The following ZNF630 variants were observed in gnomAD, a reference collection of about 807,000 sequenced individuals.
The protein encoded by ZNF630 is zinc finger protein 630.
ZNF630 carries 5 observed loss-of-function variants against 7.2 expected under a neutral mutation model. The observed-to-expected ratio is 0.70, with a 90% confidence interval of 0.36 to 1.46. The LOEUF (loss-of-function observed/expected upper bound fraction) is 1.46, where lower values mean the gene tolerates loss of function less well. Among genes scored for constraint, ZNF630 ranks in the 40% most tolerant of loss-of-function variants. ZNF630 has a pLI of 0.03. For synonymous variants in ZNF630, 158 were observed against 162.8 expected (o/e 0.97, Z 0.23); for missense variants, 461 against 477.0 (o/e 0.97, Z 0.31).
chrX:48,060,123 G>A lies in ZNF630; in HGVS notation c.319C>T (p.Pro107Ser). Residue 107 changes from proline (P) to serine (S), a missense_variant, in exon 5 of 5, where the codon CCA (proline) becomes TCA (serine). Pro to Ser is a moderately conservative substitution (Grantham distance 74). Coordinates refer to ENST00000276054, the MANE Select transcript of ZNF630 (RefSeq NM_001282201.2). ...ACAGAGTACAATGAATTATCCTTTG[G>A]GGCTCTTTCTAGTATCTCCCTTTGA... ...LFQREILERA[P>S]KDNSLYSVLK... 8.5e-7 allele frequency: 1 copy of A among 1,173,919 alleles called. No homozygotes were observed. The highest frequency in any genetic ancestry group is 1.1e-6 in the Non-Finnish European group (1 of 874,741).
Position 48,060,869 on chromosome X carries a change from G to A in ZNF630, c.92C>T (p.Thr31Ile), listed in dbSNP as rs199761293. ...EWQQLNPAQK[T>I]LHRDVMLETY... ...CTCCAGCATCACATCCCTATGCAGGGTCTTCTGAGCAGGATTCAACTGCTG... is the reference window on the plus strand; with the variant it reads ...CTCCAGCATCACATCCCTATGCAGGATCTTCTGAGCAGGATTCAACTGCTG... Residue 31 changes from threonine to isoleucine, a missense_variant, in exon 3 of 5, where the codon ACC becomes ATC. Coordinates refer to ENST00000276054, the MANE Select transcript of ZNF630 (RefSeq NM_001282201.2). 1.5e-4 allele frequency: 175 copies of A among 1,204,067 alleles called. 4 individuals carry two copies. In the African/African-American group the frequency reaches 2.7e-3, roughly 19 times the overall value.
intron 2 of ZNF630, among the ~76,000 whole-genome samples, chrX:48,066,158 A>T (rs2146508705): frequency 9.0e-6 from 1 of 111,468 alleles, no homozygotes; most frequent in African/African-American, 3.3e-5. Flanking sequence ...CTACACACAT[A>T]GATGGAGTTA....
At position 48,067,004 on chromosome X, in the gene ZNF630, T is replaced by C; in HGVS notation, c.-118A>G. ...GATGTGACAATGTGTTGCTTGTTAA[T>C]TCATTGATGACTTGTGTTTCTCATC... On this transcript the variant is annotated 5_prime_UTR_variant, in exon 2 of 5. Transcript: ENST00000276054. 1 of 813,059 alleles carries C rather than the reference T, an allele frequency of 1.2e-6. No homozygotes were observed. The highest frequency in any genetic ancestry group is 2.5e-5 in the South Asian group (1 of 40,757). The allele number at this position is 813,059 out of a possible 1,213,427, so 67.0% of individuals were successfully genotyped here.
chrX:48,059,539 A>G lies in ZNF630; in HGVS notation c.903T>C (p.Ser301=), dbSNP rs1556908672. 8.3e-7 allele frequency: 1 copy of G among 1,207,657 alleles called. No individual in the cohort carries two copies. Among genetic ancestry groups the G allele is most frequent in the East Asian group, 3.0e-5 (1 of 33,764 alleles). The change falls in exon 5 of 5, where the codon AGT becomes AGC. Residue 301 remains serine (S), a synonymous_variant. Transcript: ENST00000276054. ...YVCGDCRKAF[S]EKSHLIVHQR... ...GATGCACAATGAGGTGTGATTTCTC[A>G]CTGAAGGCTTTCCTACAATCTCCAC... is the stretch of plus-strand genomic sequence containing the variant.
chrX:48,059,304 A>G lies in ZNF630; in HGVS notation c.1138T>C (p.Cys380Arg). The change falls in exon 5 of 5, where the codon TGC becomes CGC. Residue 380 changes from cysteine to arginine, a missense_variant. Transcript: ENST00000276054. ...TREKPFECSE[C>R]RKAFCEMSHL... ...GACATCTCACAGAAGGCTTTCCTGC[A>G]TTCACTGCATTCAAAGGGCTTCTCT... The G allele has an allele frequency of 8.3e-7, 1 of 1,208,613 alleles. No homozygotes were observed.
chrX:48,070,100 C>T (rs1402515627), intron 1 of ZNF630, among the ~76,000 whole-genome samples: 3 of 107,149 alleles, frequency 2.8e-5, no homozygotes, highest in Admixed American at 1.0e-4. Context: ...CCTCGTGATC[C>T]GGCCGCCTCG....
rs56253151 is a variant in ZNF630, at chrX:48,060,234, T to TACAC, written c.239-35_239-32dup. The TACAC allele has an allele frequency of 8.1e-5, 46 of 567,514 alleles. No homozygotes were observed. The African/African-American group carries it at 1.1e-3, about 14-fold the overall frequency. 46.8% of individuals were successfully genotyped at this position (567,514 alleles called of 1,213,427 possible). A position where few individuals can be genotyped will look rare whatever the true frequency, so the allele number is the denominator to read the frequency against. ...GGAAGAAGAAAGAGGGAAAATCAAA[T>TACAC]ACACACACACACACACACACACACA... On this transcript the variant is annotated intron_variant, in intron 4 of 4. Transcript: ENST00000276054.
chrX:48,062,881 A>C lies in ZNF630; in HGVS notation c.16-1936T>G, dbSNP rs373915909. On this transcript the variant is annotated intron_variant, in intron 2 of 4. Coordinates refer to ENST00000276054, the MANE Select transcript of ZNF630 (RefSeq NM_001282201.2). ...CCTGAGCCTGGGAGGTCAAGACTGC[A>C]GTGAGGCAAGATAGTGCCACTGCAC... Among the ~76,000 whole-genome samples, 3 of 105,917 alleles carry C rather than the reference A, an allele frequency of 2.8e-5. No homozygotes were observed. In the East Asian group the frequency reaches 9.2e-4, roughly 32 times the overall value. The allele number at this position is 105,917 out of a possible 115,157, so 92.0% of individuals were successfully genotyped here. A position where few individuals can be genotyped will look rare whatever the true frequency, so the allele number is the denominator to read the frequency against.
intron 2 of ZNF630, among the ~76,000 whole-genome samples, chrX:48,065,467 G>A (rs369762588): frequency 1.1e-5 from 1 of 89,295 alleles, no homozygotes; most frequent in African/African-American, 4.0e-5. Context: ...GAGAGAGAGA[G>A]AGAGAGAGAG....
At position 48,059,584 on chromosome X, in the gene ZNF630, A is replaced by T. The variant is rs111573618; in HGVS notation, c.858T>A (p.Thr286=). 5 of 1,208,352 alleles carry T rather than the reference A, an allele frequency of 4.1e-6. No homozygotes were observed. Among genetic ancestry groups the T allele is most frequent in the Non-Finnish European group, 5.6e-6 (5 of 893,232 alleles). Residue 286 remains threonine (T), a synonymous_variant, in exon 5 of 5, where the codon ACT becomes ACA. Transcript: ENST00000276054. ...SQLIIHQRIH[T]GEKPYVCGDC... The stretch of plus-strand genomic sequence containing the variant: ...CTCCACATACATATGGTTTCTCTCC[A>T]GTATGAATTCTTTGATGTATAATGA...
chrX:48,061,082 TA>T (rs2059103525), intron 2 of ZNF630, 137 bp from the exon 3 acceptor site: 2 of 458,945 alleles, frequency 4.4e-6, no homozygotes, highest in East Asian at 7.8e-5. Flanking sequence ...TTAGCAAGAA[TA>T]GTTAGTGGAA....
chrX:48,066,078 A>T (rs1376678690), intron 2 of ZNF630, among the ~76,000 whole-genome samples: 1 of 111,383 alleles, frequency 9.0e-6, no homozygotes, highest in Non-Finnish European at 1.9e-5. Context: ...CAGTGTGTGT[A>T]TTTTTTGTGT....
chrX:48,063,609 T>G (rs1314097965), intron 2 of ZNF630, among the ~76,000 whole-genome samples: 1 of 111,306 alleles, frequency 9.0e-6, no homozygotes, highest in Non-Finnish European at 1.9e-5. Flanking sequence ...CAATTTGGGC[T>G]GGGCAGGGTG....
At position 48,069,852 on chromosome X, in the gene ZNF630, T is replaced by TTTG. The variant is rs1556910762; in HGVS notation, c.-176+1414_-176+1415insCAA. On this transcript the variant is annotated intron_variant, in intron 1 of 4. Transcript: ENST00000276054. ...ACAGGACATTGTCTGTTTTTTTTTT[T>TTTG]TTTGTTTTTTGTTTTTTGTTTTTGA... Among the ~76,000 whole-genome samples, 510 of 99,412 alleles carry TTTG rather than the reference T, an allele frequency of 5.1e-3. 8 individuals are homozygous for TTTG. Among genetic ancestry groups the TTTG allele is most frequent in the Middle Eastern group, 0.01 (2 of 199 alleles). 86.3% of individuals were successfully genotyped at this position (99,412 alleles called of 115,157 possible).
At chrX:48,067,579 T>A (rs1556910258) in intron 1 of ZNF630, among the ~76,000 whole-genome samples, 1 of 111,830 alleles carries the variant, frequency 8.9e-6, no homozygotes, top group African/African-American at 3.3e-5. Flanking sequence ...GCGGGTGGAT[T>A]GCCTGAGCTC....
chrX:48,066,728 G>T, intron 2 of ZNF630, 144 bp downstream of exon 2: 1 of 735,072 alleles, frequency 1.4e-6, no homozygotes, highest in Non-Finnish European at 2.0e-6. Flanking sequence ...TTTCTATGAA[G>T]TAAGGCCAGG....
rs782463976 is a variant in ZNF630 at position 48,060,523 on chromosome X, A to G, written c.165T>C (p.Asp55=). Residue 55 remains aspartate, a synonymous_variant, in exon 4 of 5, where the codon GAT becomes GAC. Transcript: ENST00000276054. ...VSVGCSGIKP[D]VIFKLEHGKD... is the part of the protein sequence containing the mutation. ...TTCCATGTTCCAACTTAAAGATTACATCTGGTTTTATACCTGAACACCCTG... is the reference window on the plus strand; with the variant it reads ...TTCCATGTTCCAACTTAAAGATTACGTCTGGTTTTATACCTGAACACCCTG... 2 of 1,204,753 alleles carry G rather than the reference A, an allele frequency of 1.7e-6. No homozygotes were observed. The highest frequency in any genetic ancestry group is 2.2e-5 in the Admixed American group (1 of 45,629).
chrX:48,060,676 T>A (rs1484748531), intron 3 of ZNF630, 131 bp from the exon 4 acceptor site: 4 of 905,129 alleles, frequency 4.4e-6, no homozygotes, highest in Non-Finnish European at 6.0e-6. Context: ...ATTCTAGATA[T>A]AACAAAAGTA....
At chrX:48,069,483 G>T (rs1437464532) in intron 1 of ZNF630, among the ~76,000 whole-genome samples, 6 of 110,866 alleles carry the variant, frequency 5.4e-5, no homozygotes, top group African/African-American at 2.0e-4. Context: ...CCAGATTTTG[G>T]TATTACATGA....
Sources: allele counts gnomAD v4.1 joint callset (sites outside exome capture counted in the v4.1 genomes callset), GRCh38; gene constraint gnomAD v4.1.1; transcripts MANE v1.5; gene names NCBI Gene and HGNC (gene_info 2026-07-23, HGNC 2026-07-21).